VASP: variants seen among roughly 807,000 people sequenced by gnomAD.
The protein encoded by VASP is vasodilator stimulated phosphoprotein.
A neutral mutation model predicts 54.4 loss-of-function variants in VASP; 27 were observed. The observed-to-expected ratio is 0.50, with a 90% CI of 0.37 to 0.68. The LOEUF (loss-of-function observed/expected upper bound fraction) is 0.68, where lower values mean the gene tolerates loss of function less well. VASP is among the 30% of genes least tolerant of loss of function. The pLI, the probability that VASP is intolerant of heterozygous loss-of-function variation, is 0.00. For missense variants in VASP, 488 were observed against 528.3 expected, an observed-to-expected ratio of 0.92 and a Z score of 0.75; for synonymous variants, 233 against 209.8, an observed-to-expected ratio of 1.11 and a Z score of -0.96.
chr19:45,509,123 G>C (rs368163992), intron 1 of VASP, among the ~76,000 whole-genome samples: 8 of 152,180 alleles, frequency 5.3e-5, no homozygotes, highest in African/African-American at 1.9e-4. Context: ...CTTTGACATC[G>C]GAGTGGCGTG....
chr19:45,516,000 G>A (rs571562838), intron 1 of VASP, among the ~76,000 whole-genome samples: 1 of 152,294 alleles, frequency 6.6e-6, no homozygotes, highest in Middle Eastern at 3.4e-3. Context: ...TTGAACCCAG[G>A]TCTGGGGATA....
At position 45,511,923 on chromosome 19, in the gene VASP, C is replaced by T. The variant is rs1968606890; in HGVS notation, c.5+4147C>T. 2.0e-5 allele frequency among the ~76,000 whole-genome samples: 3 copies of T among 152,306 alleles called. No individual in the cohort carries two copies. The South Asian group carries it at 6.2e-4, about 32-fold the overall frequency. ...GCCAGCCTGGCCAATGTGGCAAACG[C>T]CCAAACCCCATCTCTACTGAAAATA... On this transcript the variant is annotated intron_variant, in intron 1 of 12. Transcript: ENST00000245932.
chr19:45,519,894 CTTTTTTTT>C (rs57892194), intron 3 of VASP, among the ~76,000 whole-genome samples: 3,845 of 50,868 alleles, frequency 0.076, 120 homozygotes, highest in South Asian at 0.19. Context: ...TGCGCCCGGC[CTTTTTTTT>C]TTTTTTTTTT....
chr19:45,523,189 A>ATTTTTTT lies in VASP; in HGVS notation c.821+371_821+372insTTTTTTT, dbSNP rs1568390471. ...CTGATTCTAGAACCACAATCTCTTG[A>ATTTTTTT]ATTTTTTTTTTTTTTTTTTTTTTTT... On this transcript the variant is annotated intron_variant, in intron 7 of 12. Transcript: ENST00000245932. Among the ~76,000 whole-genome samples the ATTTTTTT allele has an allele frequency of 4.9e-3, 528 of 106,912 alleles. 36 individuals carry two copies. Among genetic ancestry groups the ATTTTTTT allele is most frequent in the African/African-American group, 5.3e-3 (130 of 24,716 alleles). 70.1% of individuals were successfully genotyped at this position (106,912 alleles called of 152,430 possible). A position where few individuals can be genotyped will look rare whatever the true frequency, so the allele number is the denominator to read the frequency against.
At chr19:45,519,990 C>T (rs1258864811) in intron 3 of VASP, among the ~76,000 whole-genome samples, 2 of 148,770 alleles carry the variant, frequency 1.3e-5, no homozygotes, top group South Asian at 4.2e-4. Context: ...CTGCAACCTC[C>T]GCCTCCTGAG....
chr19:45,522,874 G>C, intron 7 of VASP, 56 bp downstream of exon 7: 2 of 1,506,306 alleles, frequency 1.3e-6, no homozygotes, highest in Non-Finnish European at 1.8e-6. Flanking sequence ...GTAGGGCCCA[G>C]TCAGAGGAGG....
chr19:45,516,130 C>T (rs988185054), intron 1 of VASP, among the ~76,000 whole-genome samples: 1 of 152,178 alleles, frequency 6.6e-6, no homozygotes, highest in Admixed American at 6.5e-5. Context: ...CTTCAGGGTA[C>T]CCCCAGACCC....
At chr19:45,517,887 C>T (rs1568387826) in intron 2 of VASP, 42 bp from the exon 3 acceptor site, 19 of 1,575,388 alleles carry the variant, frequency 1.2e-5, no homozygotes, top group Non-Finnish European at 1.5e-5. Flanking sequence ...CCGCCCCACC[C>T]CTGCGCCCGC....
chr19:45,523,806 AG>A (rs1461992743), intron 8 of VASP, 34 bp from the exon 9 acceptor site: 1 of 1,613,952 alleles, frequency 6.2e-7, no homozygotes, highest in African/African-American at 1.3e-5. Context: ...GAGGTGTGGC[AG>A]GGGCTGGCTC....
rs759435235 is a variant in VASP, at chr19:45,525,907, G to T, written c.1048-39G>T. The T allele has an allele frequency of 3.1e-5, 49 of 1,586,408 alleles. No homozygotes were observed. The Admixed American group carries it at 5.4e-4, about 17-fold the overall frequency. Reference sequence around the variant, plus strand: ...AGGGGGATTCATTCCTGCAAGTCCCGGTACCCCCTCCTGATTAGTTTTACC... The same window carrying T: ...AGGGGGATTCATTCCTGCAAGTCCCTGTACCCCCTCCTGATTAGTTTTACC... On this transcript the variant is annotated intron_variant, in intron 11 of 12. Transcript: ENST00000245932.
At position 45,507,649 on chromosome 19, in the gene VASP, TG is replaced by T; in HGVS notation, c.-119del. On this transcript the variant is annotated 5_prime_UTR_variant, in exon 1 of 13. It removes the in-frame stop codon of an upstream open reading frame in the 5' UTR. Transcript: ENST00000245932. This position sits in a 1 kb window ranked among gnomAD's most constrained non-coding sequence, Gnocchi z 4.4. ...ATTCTCCCCAGGAAGCCGGACTCTA[TG>T]GGGCGGGACCCTGGGGGAGCCTGAG... The T allele has an allele frequency of 7.6e-7, 1 of 1,310,110 alleles. No homozygotes were observed. Among genetic ancestry groups the T allele is most frequent in the Non-Finnish European group, 1.0e-6 (1 of 966,564 alleles). The allele number at this position is 1,310,110 out of a possible 1,614,324, so 81.2% of individuals were successfully genotyped here.
At chr19:45,514,510 C>G (rs1196058428) in intron 1 of VASP, among the ~76,000 whole-genome samples, 3 of 152,180 alleles carry the variant, frequency 2.0e-5, no homozygotes, top group Non-Finnish European at 4.4e-5. Context: ...CATGAGCCAC[C>G]GTTCCCCGCC....
intron 1 of VASP, among the ~76,000 whole-genome samples, chr19:45,515,651 G>A (rs1163451944): frequency 1.3e-5 from 2 of 152,048 alleles, no homozygotes; most frequent in Non-Finnish European, 2.9e-5. Context: ...ATTCTCCTGC[G>A]TCAGCCTCCT....
intron 1 of VASP, among the ~76,000 whole-genome samples, chr19:45,509,868 G>C (rs1341707957): frequency 1.3e-5 from 2 of 152,222 alleles, no homozygotes; most frequent in Admixed American, 1.3e-4. Flanking sequence ...GGGTGGAGGA[G>C]CCTAGGATCC....
rs1336319012 is a variant in VASP, at chr19:45,513,346, G to T, written c.6-4317G>T. Among the ~76,000 whole-genome samples the T allele has an allele frequency of 9.2e-5, 14 of 152,090 alleles. No homozygotes were observed. In the East Asian group the frequency reaches 2.7e-3, roughly 29 times the overall value. On this transcript the variant is annotated intron_variant, in intron 1 of 12. Transcript: ENST00000245932. ...TGCAGCCTCATCCTCTTGGACTCAAGTGATCCTCCTGCCTCACCCTCCTGA... is the reference window on the plus strand; with the variant it reads ...TGCAGCCTCATCCTCTTGGACTCAATTGATCCTCCTGCCTCACCCTCCTGA...
rs762759767 is a variant in VASP, at chr19:45,522,404, T to TC, written c.551dup (p.Pro185ThrfsTer70). Reference sequence around the variant, plus strand: ...CACCAGGACCTCCCCCTCCTCCAGGTCCCCCCCCACCCCCAGGTTTGCCCC... The same window carrying TC: ...CACCAGGACCTCCCCCTCCTCCAGGTCCCCCCCCCACCCCCAGGTTTGCCCC... On this transcript the variant is annotated frameshift_variant, in exon 6 of 13. Transcript: ENST00000245932. LOFTEE classifies it high-confidence loss of function. 3.0e-5 allele frequency: 44 copies of TC among 1,489,632 alleles called. No individual in the cohort carries two copies. Among genetic ancestry groups the TC allele is most frequent in the Non-Finnish European group, 3.8e-5 (42 of 1,101,038 alleles). 92.3% of individuals were successfully genotyped at this position (1,489,632 alleles called of 1,614,324 possible).
In VASP at chr19:45,522,515, T is replaced by C. The variant is rs533078677; in HGVS notation, c.654T>C (p.Gly218=). ...TCCCGGCAGCACAGGGCCCTGGTGG[T>C]GGGGGAGCTGGGGCCCCAGGCCTGG... ...PPLPAAQGPG[G]GGAGAPGLAA... The change falls in exon 6 of 13, where the codon GGT becomes GGC. Residue 218 remains glycine, a synonymous_variant. Transcript: ENST00000245932. 55 of 1,455,170 alleles carry C rather than the reference T, an allele frequency of 3.8e-5. 2 individuals are homozygous for C. In the South Asian group the frequency reaches 4.4e-4, roughly 12 times the overall value. The allele number at this position is 1,455,170 out of a possible 1,614,324, so 90.1% of individuals were successfully genotyped here. A position where few individuals can be genotyped will look rare whatever the true frequency, so the allele number is the denominator to read the frequency against.
chr19:45,516,328 T>G (rs1053445863), intron 1 of VASP, among the ~76,000 whole-genome samples: 2 of 152,226 alleles, frequency 1.3e-5, no homozygotes, highest in Admixed American at 6.5e-5. Context: ...GCTAGTGCCC[T>G]GGGGAGCCAG....
intron 3 of VASP, among the ~76,000 whole-genome samples, 199 bp downstream of exon 3, chr19:45,518,293 C>T (rs1038290625): frequency 5.9e-5 from 9 of 152,180 alleles, no homozygotes; most frequent in Non-Finnish European, 8.8e-5. Flanking sequence ...ATTGGCCCGG[C>T]GCCGTGGCTC....
Sources: gnomAD v4.1 joint callset for allele counts (sites outside exome capture counted in the v4.1 genomes callset) on GRCh38, gnomAD v4.1.1 for gene constraint, Gnocchi (gnomAD v3.1) non-coding constraint, MANE v1.5 for transcripts, NCBI Gene and HGNC (gene_info 2026-07-23, HGNC 2026-07-21) for gene names.